QRICH1: variants seen among roughly 807,000 people sequenced by gnomAD.
The protein encoded by QRICH1 is transcriptional regulator QRICH1.
In QRICH1, 16 loss-of-function variants were observed where a neutral mutation model predicts 87.1. That is an observed-to-expected ratio of 0.18 (90% CI 0.12 to 0.28). QRICH1 has a LOEUF of 0.28. Among genes scored for constraint, QRICH1 ranks in the 10% least tolerant of loss-of-function variants. The pLI, the probability that QRICH1 is intolerant of heterozygous loss-of-function variation, is 1.00. For synonymous variants in QRICH1, 367 were observed against 368.4 expected (o/e 1.00, Z 0.05); for missense variants, 647 against 951.7 (o/e 0.68, Z 4.21).
chr3:49,034,589 G>C (rs2093263200), intron 6 of QRICH1, among the ~76,000 whole-genome samples: 1 of 152,136 alleles, frequency 6.6e-6, no homozygotes, highest in African/African-American at 2.4e-5. Context: ...TAGAAATACA[G>C]GCGTGAACCA....
chr3:49,075,701 C>A lies in QRICH1; in HGVS notation c.309+1008G>T, dbSNP rs1266232114. On this transcript the variant is annotated intron_variant, in intron 2 of 9. Transcript: ENST00000395443. ...CACACCAGTAATCCCAGCACTTTGGCACTTTGGGAGGCCAAGGCACGCAGA... is the reference window on the plus strand; with the variant it reads ...CACACCAGTAATCCCAGCACTTTGGAACTTTGGGAGGCCAAGGCACGCAGA... 1.2e-4 allele frequency among the ~76,000 whole-genome samples: 18 copies of A among 152,078 alleles called. 1 individual carries two copies. The highest frequency in any genetic ancestry group is 1.2e-3 in the Admixed American group (18 of 15,260).
chr3:49,079,695 A>T (rs923414086), intron 1 of QRICH1, among the ~76,000 whole-genome samples: 1 of 152,116 alleles, frequency 6.6e-6, no homozygotes, highest in African/African-American at 2.4e-5. Context: ...AATGTATCAA[A>T]GTTCCCCTTT....
intron 1 of QRICH1, among the ~76,000 whole-genome samples, chr3:49,090,704 A>G (rs574175396): frequency 8.7e-4 from 133 of 152,216 alleles, no homozygotes; most frequent in African/African-American, 3.1e-3. Context: ...TTCTACCTAC[A>G]GTTTTGCCCT....
rs1020178108 is a variant in QRICH1 at position 49,093,956 on chromosome 3, G to T, written c.-66C>A. 1.0e-5 allele frequency: 4 copies of T among 397,752 alleles called. No homozygotes were observed. Among genetic ancestry groups the T allele is most frequent in the Non-Finnish European group, 1.3e-5 (3 of 227,166 alleles). 24.6% of individuals were successfully genotyped at this position (397,752 alleles called of 1,614,324 possible). A position where few individuals can be genotyped will look rare whatever the true frequency, so the allele number is the denominator to read the frequency against. On this transcript the variant is annotated 5_prime_UTR_variant, in exon 1 of 10. Coordinates refer to ENST00000395443, the MANE Select transcript of QRICH1 (RefSeq NM_198880.3). ...CGCCGCCGCCGCCTCCGCTGCACCC[G>T]CCGGCCCCGCCGCACCGCCAGGGAC... is the stretch of plus-strand genomic sequence containing the variant.
rs181559209 is a variant in QRICH1, at chr3:49,042,079, T to G, written c.1786+2311A>C. Among the ~76,000 whole-genome samples, 1,184 of 149,526 alleles carry G rather than the reference T, an allele frequency of 7.9e-3. 25 individuals carry two copies. The highest frequency in any genetic ancestry group is 7.3e-3 in the Non-Finnish European group (490 of 67,168). The stretch of plus-strand genomic sequence containing the variant: ...TGAGCCACCGCGCCCAGACTGTGTT[T>G]TTTTTTTTTTTTGGGCGGGGGGGCG... On this transcript the variant is annotated intron_variant, in intron 6 of 9. Transcript: ENST00000395443.
chr3:49,064,234 ATTTTTTTTT>A (rs1029737044), intron 2 of QRICH1, among the ~76,000 whole-genome samples: 4 of 92,320 alleles, frequency 4.3e-5, no homozygotes, highest in Non-Finnish European at 6.7e-5. Context: ...GCTGGCCCTA[ATTTTTTTTT>A]TTTTTTTTTT....
intron 2 of QRICH1, among the ~76,000 whole-genome samples, chr3:49,064,000 G>A (rs1048632069): frequency 2.6e-5 from 4 of 152,066 alleles, no homozygotes; most frequent in Admixed American, 6.6e-5. Context: ...TCTGCCTCCC[G>A]GGTTCAAGCG....
Position 49,057,885 on chromosome 3 carries a change from C to A in QRICH1, c.315G>T (p.Gln105His). Residue 105 changes from glutamine to histidine, a missense_variant, in exon 3 of 10, where the codon CAG (glutamine) becomes CAT (histidine). Physicochemically the swap from Gln to His is conservative, Grantham distance 24. Around this residue, in one of 7 missense-constraint regions of QRICH1, gnomAD observed 156 missense variants for 164.5 expected, o/e 0.95. Transcript: ENST00000395443. The surrounding 1 kb of genome is among the most constrained non-coding windows in gnomAD (Gnocchi z 5.4). ...GTTGCGGAGACTGCTGTACCTGCAC[C>A]TGGACCTGTAAGCAACAAGATTCAT... ...QVQQPQQVQV[Q>H]VQVQQSPQQV... 1 of 1,614,022 alleles carries A rather than the reference C, an allele frequency of 6.2e-7. No homozygotes were observed. Among genetic ancestry groups the A allele is most frequent in the Non-Finnish European group, 8.5e-7 (1 of 1,180,006 alleles).
chr3:49,042,062 C>G (rs150426469), intron 6 of QRICH1, among the ~76,000 whole-genome samples: 1 of 146,798 alleles, frequency 6.8e-6, no homozygotes, highest in Admixed American at 6.8e-5. Flanking sequence ...CGTGAGCCAC[C>G]GCGCCCAGAC....
intron 9 of QRICH1, 63 bp downstream of exon 9, chr3:49,032,120 G>C (rs1445048957): frequency 1.6e-6 from 2 of 1,289,646 alleles, no homozygotes; most frequent in African/African-American, 2.9e-5. Flanking sequence ...TCACACAAGT[G>C]AGCATGCACA....
intron 2 of QRICH1, among the ~76,000 whole-genome samples, chr3:49,066,013 G>A (rs1056392856): frequency 7.9e-5 from 12 of 152,120 alleles, no homozygotes; most frequent in Non-Finnish European, 2.9e-5. Flanking sequence ...GGCCAGGAAT[G>A]GTAGCTCATG....
Position 49,049,917 on chromosome 3 carries a change from C to T in QRICH1, c.1339-2671G>A, listed in dbSNP as rs567836102. Among the ~76,000 whole-genome samples, 17 of 152,152 alleles carry T rather than the reference C, an allele frequency of 1.1e-4. No homozygotes were observed. The East Asian group carries it at 2.3e-3, about 21-fold the overall frequency. Reference sequence around the variant, plus strand: ...AGTCACCACATGTTCAAAGAATGTGCTTGAGCTGGGCGCGGTGGCTCACAC... The same window carrying T: ...AGTCACCACATGTTCAAAGAATGTGTTTGAGCTGGGCGCGGTGGCTCACAC... On this transcript the variant is annotated intron_variant, in intron 3 of 9. Coordinates refer to ENST00000395443, the MANE Select transcript of QRICH1 (RefSeq NM_198880.3).
At chr3:49,072,322 A>C (rs1469668880) in intron 2 of QRICH1, among the ~76,000 whole-genome samples, 1 of 151,842 alleles carries the variant, frequency 6.6e-6, no homozygotes, top group Non-Finnish European at 1.5e-5. Flanking sequence ...AAAATGAGTA[A>C]ATCTCAGCCT....
intron 2 of QRICH1, among the ~76,000 whole-genome samples, chr3:49,061,244 T>C (rs919258309): frequency 6.6e-6 from 1 of 150,944 alleles, no homozygotes; most frequent in Non-Finnish European, 1.5e-5. Context: ...GAAAACTGTC[T>C]TCCACAAAAC....
chr3:49,079,457 A>G (rs879429009), intron 1 of QRICH1, among the ~76,000 whole-genome samples: 1 of 148,066 alleles, frequency 6.8e-6, no homozygotes, highest in Non-Finnish European at 1.5e-5. Flanking sequence ...ATTATGTAAT[A>G]TAAATATAAT....
intron 1 of QRICH1, among the ~76,000 whole-genome samples, chr3:49,078,190 AGACT>A (rs961428732): frequency 1.3e-5 from 2 of 152,136 alleles, no homozygotes; most frequent in African/African-American, 2.4e-5. Context: ...TAGATACACT[AGACT>A]GACCAGATGC....
At chr3:49,088,949 G>A (rs1388174814) in intron 1 of QRICH1, among the ~76,000 whole-genome samples, 2 of 151,772 alleles carry the variant, frequency 1.3e-5, no homozygotes, top group African/African-American at 4.8e-5. Context: ...AAGGATACTA[G>A]CCAACTGCAG....
At chr3:49,060,475 G>A (rs1378093677) in intron 2 of QRICH1, among the ~76,000 whole-genome samples, 1 of 152,172 alleles carries the variant, frequency 6.6e-6, no homozygotes, top group African/African-American at 2.4e-5. Context: ...TTACAGGTGT[G>A]AGCCACCACA....
chr3:49,082,534 TAA>T (rs2042081292), intron 1 of QRICH1, among the ~76,000 whole-genome samples: 1 of 151,084 alleles, frequency 6.6e-6, no homozygotes, highest in Admixed American at 6.6e-5. Flanking sequence ...TCAGAAAAAA[TAA>T]AAGCTTCAAA....
Sources: allele counts gnomAD v4.1 joint callset (sites outside exome capture counted in the v4.1 genomes callset), GRCh38; gene constraint gnomAD v4.1.1; regional missense constraint gnomAD v4.1.1; non-coding constraint Gnocchi (gnomAD v3.1); transcripts MANE v1.5; gene names NCBI Gene and HGNC (gene_info 2026-07-23, HGNC 2026-07-21).